Variants in CNIH3 observed in about 807,000 individuals in gnomAD.
The protein encoded by CNIH3 is cornichon family AMPA receptor auxiliary protein 3, also known as protein cornichon homolog 3.
In CNIH3, 14 loss-of-function variants were observed where a neutral mutation model predicts 24.1. That is an observed-to-expected ratio of 0.58 (90% CI 0.38 to 0.91). CNIH3 has a LOEUF of 0.91. Among genes scored for constraint, CNIH3 ranks in the 40% least tolerant of loss-of-function variants. The pLI is 0.00. For missense variants in CNIH3, 178 were observed against 196.8 expected (o/e 0.90, Z 0.57); for synonymous variants, 68 against 73.8 (o/e 0.92, Z 0.40).
At chr1:224,615,372 C>A (rs757436667), upstream of CNIH3, 1 of 152,166 alleles carries the variant, frequency 6.6e-6, no homozygotes, top group Non-Finnish European at 1.5e-5. Flanking sequence ...TCTTTCACTG[C>A]AGCGTCAGGA....
intron 5 of CNIH3, among the ~76,000 whole-genome samples, chr1:224,736,873 C>T (rs550955338): frequency 5.9e-5 from 9 of 152,290 alleles, no homozygotes; most frequent in South Asian, 4.1e-4. Context: ...ACAAAGCCGC[C>T]GTGGGCTTAG....
At chr1:224,625,155 G>A (rs1683459264) in intron 1 of CNIH3, among the ~76,000 whole-genome samples, 1 of 152,158 alleles carries the variant, frequency 6.6e-6, no homozygotes, top group South Asian at 2.1e-4. Context: ...ATAAGGATCT[G>A]GATAATTTAT....
chr1:224,693,467 G>A (rs1237930097), intron 3 of CNIH3, among the ~76,000 whole-genome samples: 1 of 152,208 alleles, frequency 6.6e-6, no homozygotes, highest in Non-Finnish European at 1.5e-5. Flanking sequence ...CCTTGGCTGC[G>A]CTTGGGCAGG....
At chr1:224,534,934 G>C (rs1436151721) in intron 2 of CNIH3, among the ~76,000 whole-genome samples, 1 of 152,178 alleles carries the variant, frequency 6.6e-6, no homozygotes, top group Non-Finnish European at 1.5e-5. Flanking sequence ...CTCATCAGCT[G>C]TAGGCAGTGT....
downstream of CNIH3, among the ~76,000 whole-genome samples, chr1:224,592,794 T>C (rs1432179477): frequency 6.6e-6 from 1 of 152,182 alleles, no homozygotes; most frequent in African/African-American, 2.4e-5. Context: ...CTCCACAGGT[T>C]CTGAGTAGGA....
At chr1:224,698,247 T>C (rs777405600) in intron 3 of CNIH3, among the ~76,000 whole-genome samples, 1 of 152,200 alleles carries the variant, frequency 6.6e-6, no homozygotes, top group Non-Finnish European at 1.5e-5. Context: ...GCCATTATTA[T>C]AAAGGGACAG....
At chr1:224,652,112 C>T (rs74146225) in intron 1 of CNIH3, among the ~76,000 whole-genome samples, 2,717 of 152,160 alleles carry the variant, frequency 0.018, 76 homozygotes, top group African/African-American at 0.061. Context: ...TCTTGCAAAG[C>T]AGGAATATTG....
At chr1:224,534,454 C>T (rs1430767938) in intron 2 of CNIH3, among the ~76,000 whole-genome samples, 2 of 152,136 alleles carry the variant, frequency 1.3e-5, no homozygotes, top group Non-Finnish European at 2.9e-5. Context: ...GGATTTAAGA[C>T]TTTTAGATCT....
At chr1:224,547,012 T>G in intron 3 of CNIH3, 1 of 547,572 alleles carries the variant, frequency 1.8e-6, no homozygotes, top group Non-Finnish European at 2.3e-6. Flanking sequence ...GTAAGATGGG[T>G]GAGTGAGTAC....
intron 4 of CNIH3, among the ~76,000 whole-genome samples, chr1:224,573,229 T>C (rs1680896039): frequency 6.6e-6 from 1 of 152,226 alleles, no homozygotes; most frequent in Admixed American, 6.5e-5. Flanking sequence ...TATGGTTTTG[T>C]TGATTTTCTT....
chr1:224,455,097 C>T (rs1238381458), intron 1 of CNIH3, among the ~76,000 whole-genome samples: 1 of 152,178 alleles, frequency 6.6e-6, no homozygotes, highest in African/African-American at 2.4e-5. Flanking sequence ...CAGAACACTA[C>T]AGTAGCCTAC....
chr1:224,739,187 G>A, intron 5 of CNIH3, 142 bp from the exon 6 acceptor site: 1 of 1,431,104 alleles, frequency 7.0e-7, no homozygotes. Flanking sequence ...TTGGCGAGAT[G>A]CTGTAGTGAC....
At chr1:224,679,957 T>G (rs1251060862) in intron 1 of CNIH3, among the ~76,000 whole-genome samples, 1 of 152,116 alleles carries the variant, frequency 6.6e-6, no homozygotes, top group Admixed American at 6.6e-5. Flanking sequence ...TACAGGTGCA[T>G]GCCACTATAC....
chr1:224,713,215 A>C (rs1025885527), intron 3 of CNIH3, among the ~76,000 whole-genome samples: 1 of 152,334 alleles, frequency 6.6e-6, no homozygotes, highest in South Asian at 2.1e-4. Flanking sequence ...AATCATAATC[A>C]ATGCACCTGT....
At chr1:224,687,369 G>T (rs1303896699) in intron 3 of CNIH3, among the ~76,000 whole-genome samples, 1 of 152,158 alleles carries the variant, frequency 6.6e-6, no homozygotes, top group Non-Finnish European at 1.5e-5. Context: ...AGTAGCTGGA[G>T]CTGCAGGCAT....
chr1:224,631,835 C>A (rs891033919), intron 1 of CNIH3, among the ~76,000 whole-genome samples: 12 of 151,910 alleles, frequency 7.9e-5, no homozygotes, highest in Non-Finnish European at 1.5e-4. Flanking sequence ...TCTTTTTTTT[C>A]TTATTGGCAA....
intron 1 of CNIH3, among the ~76,000 whole-genome samples, chr1:224,628,591 A>G (rs1015106000): frequency 2.6e-5 from 4 of 152,096 alleles, no homozygotes; most frequent in African/African-American, 9.7e-5. Flanking sequence ...AAGGTTCATC[A>G]TATTGTAGCC....
intron 1 of CNIH3, among the ~76,000 whole-genome samples, chr1:224,665,687 A>G (rs1051323322): frequency 6.6e-6 from 1 of 152,208 alleles, no homozygotes; most frequent in African/African-American, 2.4e-5. Flanking sequence ...TATGAGATCA[A>G]AGCTGTGCTT....
chr1:224,645,376 C>A (rs937707552), intron 1 of CNIH3, among the ~76,000 whole-genome samples: 1 of 152,240 alleles, frequency 6.6e-6, no homozygotes. Flanking sequence ...CCCAGAGAAG[C>A]GCGAGAGAGA....
Sources: gnomAD v4.1 joint callset for allele counts (sites outside exome capture counted in the v4.1 genomes callset) on GRCh38, gnomAD v4.1.1 for gene constraint, MANE v1.5 for transcripts, NCBI Gene and HGNC (gene_info 2026-07-23, HGNC 2026-07-21) for gene names.